NBPF15: variants seen among roughly 807,000 people sequenced by gnomAD.
NBPF15 encodes NBPF family member NBPF15.
Under a neutral mutation model 62.2 loss-of-function variants are expected in NBPF15, and 74 were observed. The observed-to-expected ratio is 1.19, with a 90% confidence interval of 0.99 to 1.44. The LOEUF (loss-of-function observed/expected upper bound fraction) is 1.44. NBPF15 is among the 40% of genes most tolerant of loss of function. The probability of loss-of-function intolerance (pLI) is 0.00; values close to 1 mark genes in which losing one functional copy is unlikely to be tolerated. For synonymous variants in NBPF15, 244 were observed against 209.7 expected (o/e 1.16, Z -1.41); for missense variants, 790 against 550.0 (o/e 1.44, Z -4.36).
intron 4 of NBPF15, among the ~76,000 whole-genome samples, chr1:144,452,958 T>A (rs1193393889): frequency 1.3e-5 from 2 of 151,048 alleles, no homozygotes; most frequent in Non-Finnish European, 3.0e-5. Flanking sequence ...CATTAAAAAC[T>A]CCTTGAAGAC....
At chr1:144,458,406 A>G (rs1649800290) in intron 3 of NBPF15, among the ~76,000 whole-genome samples, 1 of 151,334 alleles carries the variant, frequency 6.6e-6, no homozygotes, top group East Asian at 1.9e-4. Flanking sequence ...TTCCCTTAAT[A>G]CATTTTCCCT....
intron 13 of NBPF15, among the ~76,000 whole-genome samples, chr1:144,433,447 G>T (rs1257438895): frequency 6.7e-6 from 1 of 149,954 alleles, no homozygotes; most frequent in East Asian, 2.0e-4. Context: ...AAGTAACTAA[G>T]ATCAGAGCAG....
rs1233085997 is a variant in NBPF15 at position 144,436,747 on chromosome 1, C to A, written c.493+148G>T. On this transcript the variant is annotated intron_variant, in intron 10 of 21. Transcript: ENST00000581897. ...ACCCCATGGGTTTCCCATCTCCGTT[C>A]TTACCCAAGAAGTCCTGGTCATGTC... 4 of 1,083,776 alleles carry A rather than the reference C, an allele frequency of 3.7e-6. No homozygotes were observed. In the African/African-American group the frequency reaches 4.7e-5, roughly 13 times the overall value. 67.1% of individuals were successfully genotyped at this position (1,083,776 alleles called of 1,614,324 possible).
chr1:144,448,574 C>T (rs1429519983), intron 6 of NBPF15, among the ~76,000 whole-genome samples: 4 of 151,976 alleles, frequency 2.6e-5, no homozygotes, highest in Non-Finnish European at 4.4e-5. Flanking sequence ...AAGCCTAATG[C>T]AATAAAGAAT....
chr1:144,459,589 C>CAT (rs1375002933), intron 2 of NBPF15, 106 bp from the exon 3 acceptor site: 1 of 151,678 alleles, frequency 6.6e-6, no homozygotes, highest in Non-Finnish European at 1.5e-5. Context: ...AAATGCAATA[C>CAT]ATATATATCG....
chr1:144,455,506 G>A (rs1167335235), intron 4 of NBPF15, among the ~76,000 whole-genome samples: 1 of 151,946 alleles, frequency 6.6e-6, no homozygotes, highest in East Asian at 1.9e-4. Flanking sequence ...GAGACACTGA[G>A]TCTTGTCTTT....
chr1:144,457,596 G>C (rs1481731811), intron 3 of NBPF15, among the ~76,000 whole-genome samples: 2 of 151,836 alleles, frequency 1.3e-5, no homozygotes, highest in African/African-American at 4.8e-5. Flanking sequence ...TTCAATATCT[G>C]TTTCATGCCA....
At chr1:144,443,196 GA>G (rs1230549686) in intron 6 of NBPF15, among the ~76,000 whole-genome samples, 1 of 151,634 alleles carries the variant, frequency 6.6e-6, no homozygotes, top group Non-Finnish European at 1.5e-5. Flanking sequence ...TGTGTGGCTG[GA>G]AAACTTTTTT....
At position 144,444,378 on chromosome 1, in the gene NBPF15, C is replaced by T. The variant is rs1270201843; in HGVS notation, c.-190-4083G>A. Among the ~76,000 whole-genome samples the T allele has an allele frequency of 2.3e-3, 342 of 151,300 alleles. 3 individuals are homozygous for T. Among genetic ancestry groups the T allele is most frequent in the African/African-American group, 7.8e-3 (319 of 41,128 alleles). On this transcript the variant is annotated intron_variant, in intron 6 of 21. Transcript: ENST00000581897. Reference sequence around the variant, plus strand: ...TGGGCCTTAAAGCATGACGAAATAACGAAGGCATTCTTAACAGGAGCCATT... The same window carrying T: ...TGGGCCTTAAAGCATGACGAAATAATGAAGGCATTCTTAACAGGAGCCATT...
intron 4 of NBPF15, among the ~76,000 whole-genome samples, chr1:144,451,478 T>G (rs587735676): frequency 0.011 from 1,645 of 151,796 alleles, 30 homozygotes; most frequent in Non-Finnish European, 0.017. Context: ...AGTCAGGTCT[T>G]TCCCTTCCCA....
chr1:144,434,177 A>C, intron 12 of NBPF15, among the ~76,000 whole-genome samples: 1 of 150,810 alleles, frequency 6.6e-6, no homozygotes. Context: ...CATGGACATT[A>C]AATGTTTAGA....
rs1247519133 is a variant in NBPF15, at chr1:144,436,984, T to G, written c.404A>C (p.Glu135Ala). Reference sequence around the variant, plus strand: ...GTCCTGCCCCTGGGACTTGTCCGGCTCATCCGGAGTGAGGAGGGCCTGGAG... The same window carrying G: ...GTCCTGCCCCTGGGACTTGTCCGGCGCATCCGGAGTGAGGAGGGCCTGGAG... Reference protein sequence around the residue: ...EHLQALLTPDEPDKSQGQDLQ... With the variant: ...EHLQALLTPDAPDKSQGQDLQ... The change falls in exon 10 of 22, where the codon GAG becomes GCG. Residue 135 changes from glutamate to alanine, a missense_variant. Physicochemically the swap from Glu to Ala is moderately radical, Grantham distance 107 (BLOSUM62 -1). Coordinates refer to ENST00000581897, the MANE Select transcript of NBPF15 (RefSeq NM_001385408.1). 1 of 1,501,106 alleles carries G rather than the reference T, an allele frequency of 6.7e-7. No individual in the cohort carries two copies. Among genetic ancestry groups the G allele is most frequent in the African/African-American group, 1.4e-5 (1 of 72,366 alleles). 93.0% of individuals were successfully genotyped at this position (1,501,106 alleles called of 1,614,324 possible). A position where few individuals can be genotyped will look rare whatever the true frequency, so the allele number is the denominator to read the frequency against.
intron 8 of NBPF15, among the ~76,000 whole-genome samples, chr1:144,439,584 G>A (rs1438796127): frequency 6.6e-6 from 1 of 152,104 alleles, no homozygotes; most frequent in Non-Finnish European, 1.5e-5. Flanking sequence ...CTGTGCCTGT[G>A]TCAGAAATCA....
At chr1:144,444,144 C>T (rs1191547021) in intron 6 of NBPF15, among the ~76,000 whole-genome samples, 21 of 151,284 alleles carry the variant, frequency 1.4e-4, no homozygotes, top group African/African-American at 7.3e-5. Context: ...TCTATCATTC[C>T]GCGTTTGGGC....
chr1:144,445,590 AT>A (rs1485176156), intron 6 of NBPF15, among the ~76,000 whole-genome samples: 1 of 149,598 alleles, frequency 6.7e-6, no homozygotes, highest in Non-Finnish European at 1.5e-5. Flanking sequence ...TAATATTGCT[AT>A]TTTATTATTC....
At chr1:144,424,101 T>G (rs587763936) in intron 20 of NBPF15, 126 bp from the exon 21 acceptor site, 1 of 748,362 alleles carries the variant, frequency 1.3e-6, no homozygotes, top group Non-Finnish European at 2.4e-6. Context: ...CCATGAGAGA[T>G]ATATTTCAGG....
chr1:144,457,174 C>T (rs1648579675), intron 3 of NBPF15, among the ~76,000 whole-genome samples: 1 of 151,910 alleles, frequency 6.6e-6, no homozygotes. Context: ...ATAAAGAGTC[C>T]TGACTAAATA....
At chr1:144,442,351 T>C (rs1157743787) in intron 6 of NBPF15, among the ~76,000 whole-genome samples, 2 of 136,830 alleles carry the variant, frequency 1.5e-5, no homozygotes, top group Non-Finnish European at 3.1e-5. Context: ...TGTATATATA[T>C]ATACACATAT....
chr1:144,424,415 C>G (rs1668086953), intron 20 of NBPF15, among the ~76,000 whole-genome samples: 1 of 151,824 alleles, frequency 6.6e-6, no homozygotes, highest in South Asian at 2.1e-4. Context: ...TCATAGTTCT[C>G]TGAATTTGTC....
Sources: gnomAD v4.1 joint callset for allele counts (sites outside exome capture counted in the v4.1 genomes callset) on GRCh38, gnomAD v4.1.1 for gene constraint, MANE v1.5 for transcripts, NCBI Gene and HGNC (gene_info 2026-07-23, HGNC 2026-07-21) for gene names.